AATF: variants seen among roughly 807,000 people sequenced by gnomAD.
AATF encodes the protein apoptosis antagonizing transcription factor.
AATF carries 48 observed loss-of-function variants against 63.7 expected under a neutral mutation model. The ratio of observed to expected loss-of-function variants is 0.75; its 90% CI spans 0.60 to 0.96. The LOEUF (loss-of-function observed/expected upper bound fraction) is 0.96, where lower values mean the gene tolerates loss of function less well. Ranked by LOEUF, AATF falls within the 40% of genes least tolerant of loss-of-function variation. The pLI is 0.00. For missense variants in AATF, 639 were observed against 685.7 expected, an observed-to-expected ratio of 0.93 and a Z score of 0.76; for synonymous variants, 258 against 247.7, an observed-to-expected ratio of 1.04 and a Z score of -0.39.
At chr17:36,954,266 G>A (rs990139150) in intron 4 of AATF, among the ~76,000 whole-genome samples, 9 of 151,824 alleles carry the variant, frequency 5.9e-5, no homozygotes, top group African/African-American at 1.7e-4. Context: ...ATATTTTGTA[G>A]AGACAGGGTC....
chr17:37,010,530 A>C (rs2071382793), intron 8 of AATF, among the ~76,000 whole-genome samples: 1 of 151,988 alleles, frequency 6.6e-6, no homozygotes, highest in South Asian at 2.1e-4. Flanking sequence ...CCTGAAGGGG[A>C]TGGAGTGGTG....
chr17:36,958,295 T>G (rs981781910), intron 4 of AATF, among the ~76,000 whole-genome samples: 1 of 152,146 alleles, frequency 6.6e-6, no homozygotes, highest in African/African-American at 2.4e-5. Flanking sequence ...CCTGGGTAGC[T>G]GGGACTACAG....
At chr17:37,027,255 A>T (rs906883100) in intron 10 of AATF, among the ~76,000 whole-genome samples, 1 of 152,218 alleles carries the variant, frequency 6.6e-6, no homozygotes, top group Non-Finnish European at 1.5e-5. Context: ...CATAATGTAA[A>T]TGGATCAAAC....
At chr17:37,036,274 CAGT>C (rs1330950400) in intron 11 of AATF, among the ~76,000 whole-genome samples, 1 of 152,160 alleles carries the variant, frequency 6.6e-6, no homozygotes, top group Non-Finnish European at 1.5e-5. Context: ...GATTAATCCT[CAGT>C]GGTTTTGGTG....
intron 10 of AATF, chr17:37,031,394 C>T: frequency 1.8e-6 from 1 of 568,122 alleles, no homozygotes; most frequent in Non-Finnish European, 3.2e-6. Flanking sequence ...ATTTTTGTAT[C>T]CATAGAGAGT....
intron 10 of AATF, among the ~76,000 whole-genome samples, chr17:37,021,508 A>G (rs2071469879): frequency 6.6e-6 from 1 of 152,114 alleles, no homozygotes; most frequent in African/African-American, 2.4e-5. Context: ...GGGTGCCTAT[A>G]GTCCCAGCTA....
chr17:36,997,507 A>T (rs1223906738), intron 8 of AATF, among the ~76,000 whole-genome samples: 1 of 152,216 alleles, frequency 6.6e-6, no homozygotes, highest in Non-Finnish European at 1.5e-5. Flanking sequence ...GGAAATGCAA[A>T]TCGAAAGCAC....
chr17:36,977,543 A>G (rs2071088350), intron 4 of AATF, among the ~76,000 whole-genome samples: 1 of 151,768 alleles, frequency 6.6e-6, no homozygotes, highest in Admixed American at 6.6e-5. Flanking sequence ...GGTTACTTGG[A>G]TTGTGGTTCT....
intron 8 of AATF, among the ~76,000 whole-genome samples, chr17:37,008,660 T>C (rs1216858876): frequency 6.6e-6 from 1 of 151,926 alleles, no homozygotes; most frequent in Non-Finnish European, 1.5e-5. Flanking sequence ...GGTCAAGAGT[T>C]CAAGACCAGC....
At chr17:36,956,978 C>T (rs888976719) in intron 4 of AATF, among the ~76,000 whole-genome samples, 2 of 148,816 alleles carry the variant, frequency 1.3e-5, no homozygotes, top group East Asian at 1.9e-4. Flanking sequence ...CTGTCCCCCC[C>T]GAAAAAAAAA....
intron 4 of AATF, among the ~76,000 whole-genome samples, chr17:36,969,125 A>T (rs562038132): frequency 6.6e-6 from 1 of 152,186 alleles, no homozygotes; most frequent in Non-Finnish European, 1.5e-5. Flanking sequence ...TGTATGTTGG[A>T]TGGGGCTTTT....
At chr17:36,959,397 C>T (rs1325215113) in intron 4 of AATF, among the ~76,000 whole-genome samples, 5 of 151,512 alleles carry the variant, frequency 3.3e-5, no homozygotes, top group Non-Finnish European at 5.9e-5. Flanking sequence ...GAGCAGAGAT[C>T]ATGCCATTGC....
At position 36,986,722 on chromosome 17, in the gene AATF, A is replaced by G. The variant is rs770957484; in HGVS notation, c.938A>G (p.Asn313Ser). ...TATCTAGTAGATGGGACAAAGCCCA[A>G]TGCGGGAAGGTAAGAGAACAGAATC... ...TRYLVDGTKPNAGSEEISSED... is the reference protein window; with the variant it reads ...TRYLVDGTKPSAGSEEISSED... Residue 313 changes from asparagine to serine, a missense_variant, in exon 5 of 12, where the codon AAT becomes AGT. Physicochemically the swap from Asn to Ser is conservative, Grantham distance 46. Coordinates refer to ENST00000619387, the MANE Select transcript of AATF (RefSeq NM_012138.4). 24 of 1,613,466 alleles carry G rather than the reference A, an allele frequency of 1.5e-5. No individual in the cohort carries two copies. The highest frequency in any genetic ancestry group is 3.3e-5 in the Admixed American group (2 of 60,026).
At chr17:37,017,091 G>A (rs1206446469) in intron 8 of AATF, among the ~76,000 whole-genome samples, 1 of 152,226 alleles carries the variant, frequency 6.6e-6, no homozygotes, top group Admixed American at 6.5e-5. Flanking sequence ...CCAATTTCCA[G>A]CCTTTGGCAA....
At chr17:36,966,024 G>C (rs2070988958) in intron 4 of AATF, among the ~76,000 whole-genome samples, 1 of 151,798 alleles carries the variant, frequency 6.6e-6, no homozygotes, top group Non-Finnish European at 1.5e-5. Flanking sequence ...ATGAAGACTG[G>C]GGTCCTTCAG....
Position 37,041,583 on chromosome 17 carries a change from G to A in AATF, c.1619+9898G>A, listed in dbSNP as rs1056541705. On this transcript the variant is annotated intron_variant, in intron 11 of 11. Coordinates refer to ENST00000619387, the MANE Select transcript of AATF (RefSeq NM_012138.4). ...TGCAATGGTGCAATCTCGGCTCACT[G>A]CAATGTCCGCCTCCCGGGTTCAAGT... Among the ~76,000 whole-genome samples, 3 of 152,182 alleles carry A rather than the reference G, an allele frequency of 2.0e-5. No individual in the cohort carries two copies. The South Asian group carries it at 6.2e-4, about 32-fold the overall frequency.
At chr17:37,000,992 C>A (rs894894396) in intron 8 of AATF, among the ~76,000 whole-genome samples, 3 of 151,430 alleles carry the variant, frequency 2.0e-5, no homozygotes, top group African/African-American at 7.3e-5. Context: ...TCAGTATTAT[C>A]CTGATACCCA....
intron 11 of AATF, chr17:37,054,884 G>T (rs2071785263): frequency 1.3e-5 from 2 of 152,216 alleles, no homozygotes; most frequent in African/African-American, 4.8e-5. Flanking sequence ...TTTTTGTGTG[G>T]AAACAGCTAG....
At chr17:36,976,970 T>G (rs1475662664) in intron 4 of AATF, among the ~76,000 whole-genome samples, 2 of 152,188 alleles carry the variant, frequency 1.3e-5, no homozygotes. Context: ...TCTAAGATAA[T>G]CGGGAGTAGC....
Sources: allele counts gnomAD v4.1 joint callset (sites outside exome capture counted in the v4.1 genomes callset), GRCh38; gene constraint gnomAD v4.1.1; transcripts MANE v1.5; gene names NCBI Gene and HGNC (gene_info 2026-07-23, HGNC 2026-07-21).